FBXO34: variants seen among roughly 807,000 people sequenced by gnomAD.
The protein encoded by FBXO34 is F-box only protein 34.
Under a neutral mutation model 24.5 loss-of-function variants are expected in FBXO34, and 12 were observed. That is an observed-to-expected ratio of 0.49 (90% confidence interval 0.31 to 0.79). The LOEUF (loss-of-function observed/expected upper bound fraction) is 0.79, where lower values mean the gene tolerates loss of function less well. Ranked by LOEUF, FBXO34 falls within the 30% of genes least tolerant of loss-of-function variation. The pLI is 0.04. For synonymous variants in FBXO34, 320 were observed against 311.9 expected (o/e 1.03, Z -0.27); for missense variants, 823 against 857.7 (o/e 0.96, Z 0.51).
At chr14:55,406,690 G>A in the FBXO34 span, among the ~76,000 whole-genome samples, 1 of 152,098 alleles carries the variant, frequency 6.6e-6, no homozygotes, top group East Asian at 1.9e-4. Flanking sequence ...TAGATACTGG[G>A]CACTATTCTG....
chr14:55,296,026 A>C (rs1882109202), intron 1 of FBXO34, among the ~76,000 whole-genome samples: 1 of 152,130 alleles, frequency 6.6e-6, no homozygotes, highest in Non-Finnish European at 1.5e-5. Flanking sequence ...AGTGGCTTGC[A>C]CCTGTAATCC....
intron 1 of FBXO34, chr14:55,299,008 A>G: frequency 6.2e-7 from 1 of 1,609,036 alleles, no homozygotes; most frequent in Non-Finnish European, 8.5e-7. Flanking sequence ...TTAATGCAGG[A>G]CATTGCTGAC....
chr14:55,415,264 G>T, the FBXO34 span, among the ~76,000 whole-genome samples: 1 of 152,170 alleles, frequency 6.6e-6, no homozygotes, highest in South Asian at 2.1e-4. Flanking sequence ...AAGAAAGGAG[G>T]ATAATGAAAG....
exon 3 of FBXO34, chr14:55,367,805 A>G (rs1884715009): frequency 6.6e-6 from 1 of 152,254 alleles, no homozygotes; most frequent in Non-Finnish European, 1.5e-5. Flanking sequence ...TGGAAAATTC[A>G]TAGAGCCAAG....
At position 55,350,639 on chromosome 14, in the gene FBXO34, G is replaced by C; in HGVS notation, c.249G>C (p.Leu83Phe). The C allele has an allele frequency of 6.2e-7, 1 of 1,613,482 alleles. No individual in the cohort carries two copies. Among genetic ancestry groups the C allele is most frequent in the East Asian group, 2.2e-5 (1 of 44,872 alleles). Residue 83 changes from leucine (L) to phenylalanine (F), a missense_variant, in exon 2 of 2, where the codon TTG becomes TTC. Coordinates refer to ENST00000313833, the MANE Select transcript of FBXO34 (RefSeq NM_017943.4). ...GGAAGAGTCCTGTAGAGAGCAGCTTGAATGTTAAAACCAAAAAGAATGCAC... is the reference window on the plus strand; with the variant it reads ...GGAAGAGTCCTGTAGAGAGCAGCTTCAATGTTAAAACCAAAAAGAATGCAC... ...MSGKSPVESSLNVKTKKNAPS... is the reference protein window; with the variant it reads ...MSGKSPVESSFNVKTKKNAPS...
At chr14:55,338,883 G>A (rs1364330080) in intron 1 of FBXO34, among the ~76,000 whole-genome samples, 12 of 150,508 alleles carry the variant, frequency 8.0e-5, no homozygotes, top group South Asian at 2.1e-4. Context: ...TCCAGCCTGG[G>A]CGACAGAGCG....
At chr14:55,290,316 C>T (rs577033972) in intron 1 of FBXO34, among the ~76,000 whole-genome samples, 11 of 151,418 alleles carry the variant, frequency 7.3e-5, no homozygotes, top group Non-Finnish European at 1.0e-4. Flanking sequence ...CGTTTCAACC[C>T]GGGAGGTGGA....
the FBXO34 span, among the ~76,000 whole-genome samples, chr14:55,414,650 C>G: frequency 6.6e-6 from 1 of 152,140 alleles, no homozygotes; most frequent in South Asian, 2.1e-4. Flanking sequence ...AACCTTAGAG[C>G]AGAGTTTTCT....
intron 1 of FBXO34, among the ~76,000 whole-genome samples, chr14:55,317,218 A>G (rs1375841877): frequency 1.2e-4 from 18 of 152,176 alleles, no homozygotes; most frequent in Admixed American, 1.1e-3. Flanking sequence ...ATCAGAGCCA[A>G]TTGTTAAATT....
intron 1 of FBXO34, among the ~76,000 whole-genome samples, chr14:55,297,561 G>A (rs921415739): frequency 5.9e-5 from 9 of 152,176 alleles, no homozygotes; most frequent in African/African-American, 2.2e-4. Flanking sequence ...CAGCAAAAAC[G>A]ATTATGTGAT....
chr14:55,414,240 G>C, the FBXO34 span: 1 of 645,206 alleles, frequency 1.5e-6, no homozygotes, highest in Non-Finnish European at 2.7e-6. Context: ...TCGTTTCTTA[G>C]GTTACTTACA....
intron 1 of FBXO34, among the ~76,000 whole-genome samples, chr14:55,328,364 G>A (rs887977288): frequency 2.0e-5 from 3 of 152,100 alleles, no homozygotes; most frequent in Non-Finnish European, 2.9e-5. Context: ...CTACTCTTGC[G>A]CTTTAGGGCC....
chr14:55,404,533 A>G, the FBXO34 span, among the ~76,000 whole-genome samples: 1 of 152,318 alleles, frequency 6.6e-6, no homozygotes, highest in East Asian at 1.9e-4. Flanking sequence ...TCCATGAAGT[A>G]TGTCTTTTGG....
chr14:55,275,917 A>G (rs1303334253), intron 1 of FBXO34, among the ~76,000 whole-genome samples: 1 of 152,040 alleles, frequency 6.6e-6, no homozygotes, highest in Non-Finnish European at 1.5e-5. Flanking sequence ...TTAGAAACTC[A>G]GTTAAAAAGA....
chr14:55,305,932 C>G (rs1882529162), intron 1 of FBXO34, among the ~76,000 whole-genome samples: 1 of 152,206 alleles, frequency 6.6e-6, no homozygotes, highest in South Asian at 2.1e-4. Flanking sequence ...TGCTCTGAAG[C>G]CTGTCAACAG....
chr14:55,390,976 G>A, the FBXO34 span: 2 of 1,605,540 alleles, frequency 1.2e-6, no homozygotes, highest in African/African-American at 2.7e-5. Flanking sequence ...CATCTTGCAG[G>A]ACATTATTTT....
At chr14:55,317,740 A>C (rs10145203) in intron 1 of FBXO34, among the ~76,000 whole-genome samples, 56,531 of 151,840 alleles carry the variant, frequency 0.37, 11,095 homozygotes, top group Non-Finnish European at 0.43. Flanking sequence ...TCTCCCCATT[A>C]CCCCTTCCTT....
At chr14:55,321,833 T>A (rs1259407296) in intron 1 of FBXO34, among the ~76,000 whole-genome samples, 1 of 152,226 alleles carries the variant, frequency 6.6e-6, no homozygotes, top group African/African-American at 2.4e-5. Context: ...GCCGCAGGGA[T>A]CTGTCAAAAA....
chr14:55,273,151 T>TG (rs1020697193), intron 1 of FBXO34, among the ~76,000 whole-genome samples: 11 of 152,030 alleles, frequency 7.2e-5, no homozygotes, highest in Admixed American at 3.3e-4. Flanking sequence ...CCTTCCTCAC[T>TG]GACCTTGACT....
Sources: gnomAD v4.1 joint callset for allele counts (sites outside exome capture counted in the v4.1 genomes callset) on GRCh38, gnomAD v4.1.1 for gene constraint, MANE v1.5 for transcripts, NCBI Gene and HGNC (gene_info 2026-07-23, HGNC 2026-07-21) for gene names.